MACROD2: variants seen among roughly 807,000 people sequenced by gnomAD.
MACROD2 encodes the protein mono-ADP ribosylhydrolase 2, also known as ADP-ribose glycohydrolase MACROD2.
In MACROD2, 36 loss-of-function variants were observed where a neutral mutation model predicts 70.4. The ratio of observed to expected loss-of-function variants is 0.51; its 90% CI spans 0.39 to 0.68. The LOEUF is 0.68. Ranked by LOEUF, MACROD2 falls within the 30% of genes least tolerant of loss-of-function variation. The pLI is 0.00. For missense variants in MACROD2, 496 were observed against 538.4 expected (o/e 0.92, Z 0.78); for synonymous variants, 172 against 178.8 (o/e 0.96, Z 0.30).
Position 15,415,142 on chromosome 20 carries a change from C to T in MACROD2, c.541-16263C>T, listed in dbSNP as rs2046129476. Among the ~76,000 whole-genome samples, 3 of 152,148 alleles carry T rather than the reference C, an allele frequency of 2.0e-5. No individual in the cohort carries two copies. In the South Asian group the frequency reaches 6.2e-4, roughly 32 times the overall value. On this transcript the variant is annotated intron_variant, in intron 6 of 17. Coordinates refer to ENST00000684519, the MANE Select transcript of MACROD2 (RefSeq NM_001351661.2). ...TTAGATATGTGTTCTTCTAGAAAAA[C>T]ACTGAAACAAAGTTTAAAGTGATCT... is the stretch of plus-strand genomic sequence containing the variant.
chr20:14,024,739 A>T (rs1328954985), intron 2 of MACROD2, among the ~76,000 whole-genome samples: 2 of 152,320 alleles, frequency 1.3e-5, no homozygotes, highest in Admixed American at 1.3e-4. Context: ...ATCGTGGTGG[A>T]TAAGCTTTTT....
At chr20:15,317,690 T>C (rs1257897668) in intron 6 of MACROD2, among the ~76,000 whole-genome samples, 3 of 151,916 alleles carry the variant, frequency 2.0e-5, no homozygotes, top group Non-Finnish European at 4.4e-5. Context: ...CAACCAGTGT[T>C]TCAGTTTGAG....
chr20:15,877,185 T>G (rs2064687878), intron 9 of MACROD2, among the ~76,000 whole-genome samples: 1 of 152,148 alleles, frequency 6.6e-6, no homozygotes, highest in Non-Finnish European at 1.5e-5. Context: ...TCTGGTGTAC[T>G]TGCTTGCACA....
intron 8 of MACROD2, among the ~76,000 whole-genome samples, chr20:15,773,542 A>G (rs1388381450): frequency 3.3e-5 from 5 of 152,152 alleles, no homozygotes; most frequent in Non-Finnish European, 7.4e-5. Flanking sequence ...AATCAGATCA[A>G]TTCCCTGTTA....
intron 8 of MACROD2, among the ~76,000 whole-genome samples, chr20:15,567,137 T>A (rs182101670): frequency 8.2e-4 from 125 of 151,998 alleles, no homozygotes; most frequent in African/African-American, 2.7e-3. Context: ...ATACACTGGC[T>A]CTAGTTAAAA....
intron 3 of MACROD2, among the ~76,000 whole-genome samples, chr20:14,383,043 C>T (rs772590977): frequency 9.9e-5 from 15 of 152,274 alleles, no homozygotes; most frequent in Middle Eastern, 3.4e-3. Flanking sequence ...ACTGCCCTAA[C>T]GCTAAGTCTC....
At chr20:15,313,151 T>A (rs2077771488) in intron 6 of MACROD2, among the ~76,000 whole-genome samples, 2 of 152,164 alleles carry the variant, frequency 1.3e-5, no homozygotes, top group African/African-American at 4.8e-5. Flanking sequence ...AAAACCTGAT[T>A]TTCTGAAAAG....
At chr20:15,772,374 C>T (rs1214140688) in intron 8 of MACROD2, among the ~76,000 whole-genome samples, 1 of 151,738 alleles carries the variant, frequency 6.6e-6, no homozygotes, top group Non-Finnish European at 1.5e-5. Context: ...AACTGGGGCT[C>T]AGAAAAATTA....
At chr20:15,737,620 A>G (rs892529776) in intron 8 of MACROD2, among the ~76,000 whole-genome samples, 2 of 152,232 alleles carry the variant, frequency 1.3e-5, no homozygotes, top group African/African-American at 4.8e-5. Flanking sequence ...ATGGATGTGA[A>G]GAACAGTGGC....
At chr20:15,283,261 A>G (rs2077462102) in intron 6 of MACROD2, among the ~76,000 whole-genome samples, 1 of 152,204 alleles carries the variant, frequency 6.6e-6, no homozygotes, top group Admixed American at 6.5e-5. Context: ...AAATAATTTT[A>G]GTGTTGCCTC....
chr20:14,286,954 C>T (rs577111231), intron 3 of MACROD2, among the ~76,000 whole-genome samples: 1 of 152,206 alleles, frequency 6.6e-6, no homozygotes, highest in African/African-American at 2.4e-5. Flanking sequence ...TATTTTATTC[C>T]TACTCCATGA....
intron 5 of MACROD2, among the ~76,000 whole-genome samples, chr20:14,994,017 C>T (rs943670138): frequency 5.3e-5 from 8 of 152,038 alleles, no homozygotes; most frequent in African/African-American, 1.9e-4. Flanking sequence ...TTCAAGAAGG[C>T]ATCAGGCATG....
At chr20:15,406,162 C>G (rs971316080) in intron 6 of MACROD2, among the ~76,000 whole-genome samples, 2 of 152,156 alleles carry the variant, frequency 1.3e-5, no homozygotes, top group African/African-American at 2.4e-5. Context: ...TCACAGGAAC[C>G]CAGTGAGGTA....
chr20:15,328,938 G>A (rs748954095), intron 6 of MACROD2, among the ~76,000 whole-genome samples: 13 of 151,994 alleles, frequency 8.6e-5, no homozygotes, highest in South Asian at 4.2e-4. Flanking sequence ...AATTAGAAAT[G>A]ATCTAAATAT....
chr20:15,802,829 T>C (rs1051680634), intron 8 of MACROD2, among the ~76,000 whole-genome samples: 1 of 151,658 alleles, frequency 6.6e-6, no homozygotes, highest in Non-Finnish European at 1.5e-5. Flanking sequence ...AAATGAAAAA[T>C]GAGACGTTAC....
At chr20:15,179,291 G>A (rs539661844) in intron 5 of MACROD2, among the ~76,000 whole-genome samples, 14 of 151,954 alleles carry the variant, frequency 9.2e-5, no homozygotes, top group Admixed American at 1.3e-4. Flanking sequence ...TTTTTTTATT[G>A]ACAGATATAA....
At chr20:15,335,158 G>A (rs2078034626) in intron 6 of MACROD2, among the ~76,000 whole-genome samples, 1 of 151,856 alleles carries the variant, frequency 6.6e-6, no homozygotes. Flanking sequence ...TCCAATCCCT[G>A]ATTGGAAAAC....
In MACROD2 at chr20:14,478,529, CT is replaced by C. The variant is rs550988016; in HGVS notation, c.272-14948del. 5.1e-4 allele frequency among the ~76,000 whole-genome samples: 77 copies of C among 152,074 alleles called. 1 individual carries two copies. In the South Asian group the frequency reaches 0.015, roughly 30 times the overall value. ...AGCATGGATTTTTTAAAAAATTTAT[CT>C]TATTTGTCTTATCTTATTTGGGGTT... On this transcript the variant is annotated intron_variant, in intron 3 of 17. Transcript: ENST00000684519.
At chr20:15,607,768 A>G (rs1167913974) in intron 8 of MACROD2, among the ~76,000 whole-genome samples, 1 of 152,148 alleles carries the variant, frequency 6.6e-6, no homozygotes, top group Non-Finnish European at 1.5e-5. Flanking sequence ...TCCTGACCTC[A>G]GGTGATCTAC....
Sources: gnomAD v4.1 joint callset for allele counts (sites outside exome capture counted in the v4.1 genomes callset) on GRCh38, gnomAD v4.1.1 for gene constraint, MANE v1.5 for transcripts, NCBI Gene and HGNC (gene_info 2026-07-23, HGNC 2026-07-21) for gene names.